The following GPC4 variants were observed in gnomAD, a reference collection of about 807,000 sequenced individuals.
GPC4 encodes glypican-4.
In GPC4, 10 loss-of-function variants were observed where a neutral mutation model predicts 35.0. That is an observed-to-expected ratio of 0.29 (90% CI 0.18 to 0.48). The LOEUF (loss-of-function observed/expected upper bound fraction) is 0.48. Ranked by LOEUF, GPC4 falls within the 20% of genes least tolerant of loss-of-function variation. GPC4 has a pLI of 0.99. For missense variants in GPC4, 322 were observed against 451.3 expected (o/e 0.71, Z 2.60); for synonymous variants, 167 against 170.2 (o/e 0.98, Z 0.15).
intron 1 of GPC4, among the ~76,000 whole-genome samples, chrX:133,342,333 G>A (rs756726380): frequency 1.1e-4 from 12 of 111,132 alleles, no homozygotes; most frequent in African/African-American, 3.9e-4. Flanking sequence ...CACCATGCCC[G>A]GCCTGCAATA....
Position 133,363,423 on chromosome X carries a change from A to G in GPC4, c.161-24082T>C, listed in dbSNP as rs769567789. On this transcript the variant is annotated intron_variant, in intron 1 of 8. Coordinates refer to ENST00000370828, the MANE Select transcript of GPC4 (RefSeq NM_001448.3). ...AATCATTTAATTATGAAAAGGATAT[A>G]CAGTTTTTCTCATTCCTCTCTTCCC... 1.6e-3 allele frequency among the ~76,000 whole-genome samples: 180 copies of G among 111,247 alleles called. 1 individual carries two copies. The highest frequency in any genetic ancestry group is 5.5e-3 in the African/African-American group (169 of 30,546).
At position 133,415,104 on chromosome X, in the gene GPC4, C is replaced by A. The variant is rs2068832807; in HGVS notation, c.-139G>T. The stretch of plus-strand genomic sequence containing the variant: ...AAGGAGTTGGAGTTGGTGGAAGAGG[C>A]GAGCAGGCGGAGGAGACGCGGGGCG... On this transcript the variant is annotated 5_prime_UTR_variant, in exon 1 of 9. Transcript: ENST00000370828. The A allele has an allele frequency of 1.6e-6, 1 of 610,078 alleles. No individual in the cohort carries two copies. The highest frequency in any genetic ancestry group is 2.5e-6 in the Non-Finnish European group (1 of 405,464). The allele number at this position is 610,078 out of a possible 1,213,427, so 50.3% of individuals were successfully genotyped here. A position where few individuals can be genotyped will look rare whatever the true frequency, so the allele number is the denominator to read the frequency against.
At chrX:133,316,911 T>C (rs1406456417) in intron 3 of GPC4, among the ~76,000 whole-genome samples, 1 of 112,099 alleles carries the variant, frequency 8.9e-6, no homozygotes, top group East Asian at 2.8e-4. Context: ...ACTATACTAA[T>C]GTAGCAGAGA....
rs1186855652 is a variant in GPC4 at position 133,300,189 on chromosome X, T to TCA, written c.*2676_*2677dup. 1 of 112,728 alleles carries TCA rather than the reference T, an allele frequency of 8.9e-6. No individual in the cohort carries two copies. Among genetic ancestry groups the TCA allele is most frequent in the East Asian group, 2.8e-4 (1 of 3,593 alleles). The allele number at this position is 112,728 out of a possible 1,213,427, so 9.3% of individuals were successfully genotyped here. A position where few individuals can be genotyped will look rare whatever the true frequency, so the allele number is the denominator to read the frequency against. On this transcript the variant is annotated 3_prime_UTR_variant, in exon 9 of 9. Coordinates refer to ENST00000370828, the MANE Select transcript of GPC4 (RefSeq NM_001448.3). ...ATGTGAACTGTTAGGTTTTGAACAC[T>TCA]CAGTAACTAAACTTTAGAAATTTAC...
chrX:133,351,965 T>TC lies in GPC4; in HGVS notation c.161-12625_161-12624insG, dbSNP rs749786031. ...AGATGCCATCCATCAGTGCAGAAAA[T>TC]ACAAATGGCTTGGTCTCCGCCCTCT... is the stretch of plus-strand genomic sequence containing the variant. On this transcript the variant is annotated intron_variant, in intron 1 of 8. Coordinates refer to ENST00000370828, the MANE Select transcript of GPC4 (RefSeq NM_001448.3). Among the ~76,000 whole-genome samples, 721 of 112,250 alleles carry TC rather than the reference T, an allele frequency of 6.4e-3. 2 individuals carry two copies. The highest frequency in any genetic ancestry group is 6.8e-3 in the Non-Finnish European group (363 of 53,283).
At chrX:133,393,901 C>A (rs1270596721) in intron 1 of GPC4, among the ~76,000 whole-genome samples, 2 of 111,906 alleles carry the variant, frequency 1.8e-5, no homozygotes, top group Non-Finnish European at 3.8e-5. Context: ...TATAAAACCA[C>A]AAAAGCATTT....
intron 1 of GPC4, among the ~76,000 whole-genome samples, chrX:133,354,556 A>ATTTTT (rs1569348986): frequency 6.6e-5 from 6 of 91,320 alleles, no homozygotes; most frequent in African/African-American, 2.6e-4. Flanking sequence ...TTATTTATTT[A>ATTTTT]TTTATTTATT....
At chrX:133,328,742 A>G (rs2068405160) in intron 2 of GPC4, among the ~76,000 whole-genome samples, 3 of 111,467 alleles carry the variant, frequency 2.7e-5, no homozygotes, top group Admixed American at 1.9e-4. Flanking sequence ...AACTAATTAC[A>G]ATACACTTGG....
At chrX:133,340,522 A>G (rs1015067737) in intron 1 of GPC4, among the ~76,000 whole-genome samples, 5 of 112,009 alleles carry the variant, frequency 4.5e-5, no homozygotes, top group Non-Finnish European at 9.4e-5. Context: ...GAACCTGTCA[A>G]TGGTAAGTGT....
At chrX:133,382,184 T>C (rs2068663220) in intron 1 of GPC4, among the ~76,000 whole-genome samples, 1 of 111,648 alleles carries the variant, frequency 9.0e-6, no homozygotes, top group South Asian at 3.8e-4. Context: ...TTCCCAGCAC[T>C]TTGGGAGGCC....
At chrX:133,372,224 TAAAAAAAAAA>T (rs372391787) in intron 1 of GPC4, among the ~76,000 whole-genome samples, 3 of 82,549 alleles carry the variant, frequency 3.6e-5, no homozygotes, top group Non-Finnish European at 4.7e-5. Flanking sequence ...ACTCCGTCTT[TAAAAAAAAAA>T]AAAAAAAAAA....
At chrX:133,347,257 T>G (rs982630208) in intron 1 of GPC4, among the ~76,000 whole-genome samples, 3 of 88,850 alleles carry the variant, frequency 3.4e-5, no homozygotes, top group Admixed American at 1.3e-4. Context: ...AGTTTTTTTT[T>G]TTTTTTTTTT....
chrX:133,318,777 G>A (rs1033256011), intron 3 of GPC4, among the ~76,000 whole-genome samples: 1 of 112,342 alleles, frequency 8.9e-6, no homozygotes, highest in African/African-American at 3.2e-5. Flanking sequence ...GACAAATAAC[G>A]ATGGAATAAG....
intron 1 of GPC4, among the ~76,000 whole-genome samples, chrX:133,392,756 G>A (rs2068725366): frequency 9.2e-6 from 1 of 108,504 alleles, no homozygotes; most frequent in Admixed American, 1.0e-4. Context: ...CTCTCCTTCC[G>A]CTTATATAGC....
chrX:133,401,185 G>A (rs1399250520), intron 1 of GPC4, among the ~76,000 whole-genome samples: 1 of 111,735 alleles, frequency 8.9e-6, no homozygotes, highest in Non-Finnish European at 1.9e-5. Context: ...GGCTGGCACA[G>A]GAGAAGGCAG....
intron 1 of GPC4, among the ~76,000 whole-genome samples, chrX:133,396,447 T>C (rs5977869): frequency 0.48 from 53,691 of 111,035 alleles, 12,027 homozygotes; most frequent in African/African-American, 0.89. Flanking sequence ...GCATATAACA[T>C]GATTCAAAGA....
At chrX:133,321,107 T>C (rs2068362897) in intron 3 of GPC4, among the ~76,000 whole-genome samples, 1 of 112,135 alleles carries the variant, frequency 8.9e-6, no homozygotes, top group Admixed American at 9.5e-5. Context: ...CATACCTTTG[T>C]TGCATAAGTA....
intron 1 of GPC4, among the ~76,000 whole-genome samples, chrX:133,375,844 T>C (rs750191684): frequency 8.9e-5 from 10 of 112,397 alleles, no homozygotes; most frequent in South Asian, 3.7e-4. Context: ...CCTTAAAATA[T>C]GTTACTGGTC....
chrX:133,322,958 G>T (rs1177405903), intron 3 of GPC4, among the ~76,000 whole-genome samples: 1 of 111,637 alleles, frequency 9.0e-6, no homozygotes, highest in South Asian at 3.8e-4. Flanking sequence ...GGGTCTTCAA[G>T]AAGTTTTCAG....
Sources: allele counts gnomAD v4.1 joint callset (sites outside exome capture counted in the v4.1 genomes callset), GRCh38; gene constraint gnomAD v4.1.1; transcripts MANE v1.5; gene names NCBI Gene and HGNC (gene_info 2026-07-23, HGNC 2026-07-21).